NLGN1: variants seen among roughly 807,000 people sequenced by gnomAD.
NLGN1 encodes neuroligin 1, also known as neuroligin-1.
A neutral mutation model predicts 65.5 loss-of-function variants in NLGN1; 12 were observed. The observed-to-expected ratio is 0.18, with a 90% CI of 0.12 to 0.30. The LOEUF (loss-of-function observed/expected upper bound fraction) is 0.30. Among genes scored for constraint, NLGN1 ranks in the 10% least tolerant of loss-of-function variants. The probability of loss-of-function intolerance (pLI) is 1.00; values close to 1 mark genes in which losing one functional copy is unlikely to be tolerated. For synonymous variants in NLGN1, 350 were observed against 359.5 expected, an observed-to-expected ratio of 0.97 and a Z score of 0.30; for missense variants, 750 against 1,007.1, an observed-to-expected ratio of 0.74 and a Z score of 3.46.
In NLGN1 at chr3:173,801,148, C is replaced by T. The variant is rs552562876; in HGVS notation, c.494-6532C>T. 2.0e-5 allele frequency among the ~76,000 whole-genome samples: 3 copies of T among 152,030 alleles called. No homozygotes were observed. In the East Asian group the frequency reaches 5.8e-4, roughly 29 times the overall value. ...ATAAGCAATAGAATATTTTCTACTT[C>T]ATTAATATCCAAATTGTTTCTCCTT... On this transcript the variant is annotated intron_variant, in intron 3 of 6. Coordinates refer to ENST00000457714, the Ensembl canonical transcript of NLGN1.
At chr3:173,678,070 A>G (rs774927438) in intron 3 of NLGN1, among the ~76,000 whole-genome samples, 1 of 152,080 alleles carries the variant, frequency 6.6e-6, no homozygotes, top group Non-Finnish European at 1.5e-5. Context: ...CTTGCTGTAT[A>G]TGGAAGCATT....
At chr3:173,752,504 A>C (rs7628917) in intron 3 of NLGN1, among the ~76,000 whole-genome samples, 8,310 of 152,146 alleles carry the variant, frequency 0.055, 725 homozygotes, top group African/African-American at 0.19. Context: ...CCAGCACTGT[A>C]GTTGTTGAAT....
intron 2 of NLGN1, among the ~76,000 whole-genome samples, chr3:173,564,108 G>C (rs1743240008): frequency 6.6e-6 from 1 of 152,126 alleles, no homozygotes; most frequent in South Asian, 2.1e-4. Context: ...TTGTTGCTCT[G>C]TGAACATACC....
At chr3:173,960,684 A>G (rs1335397197) in intron 4 of NLGN1, among the ~76,000 whole-genome samples, 2 of 151,906 alleles carry the variant, frequency 1.3e-5, no homozygotes, top group Non-Finnish European at 2.9e-5. Context: ...TATGTTTCCT[A>G]TATCTATTAA....
intron 1 of NLGN1, among the ~76,000 whole-genome samples, chr3:173,419,374 G>A (rs1210843661): frequency 2.6e-5 from 4 of 151,612 alleles, no homozygotes; most frequent in Non-Finnish European, 5.9e-5. Context: ...GGGTTATCTC[G>A]GGGCTGGCAT....
intron 5 of NLGN1, among the ~76,000 whole-genome samples, chr3:174,277,145 C>CTT (rs1261964483): frequency 6.6e-6 from 1 of 151,874 alleles, no homozygotes; most frequent in Admixed American, 6.6e-5. Context: ...AAGACATCAA[C>CTT]TTAGGTTTGG....
intron 2 of NLGN1, among the ~76,000 whole-genome samples, chr3:173,582,742 T>C (rs928358014): frequency 6.6e-6 from 1 of 152,148 alleles, no homozygotes; most frequent in African/African-American, 2.4e-5. Flanking sequence ...CATTTTGATT[T>C]ATATAATTGC....
At chr3:174,258,301 G>A (rs961571277) in intron 4 of NLGN1, among the ~76,000 whole-genome samples, 2 of 152,040 alleles carry the variant, frequency 1.3e-5, no homozygotes, top group East Asian at 3.9e-4. Context: ...GTCCATAATG[G>A]TATAAACAAA....
At chr3:174,057,422 C>G (rs1560939267) in intron 4 of NLGN1, among the ~76,000 whole-genome samples, 1 of 151,996 alleles carries the variant, frequency 6.6e-6, no homozygotes, top group Non-Finnish European at 1.5e-5. Flanking sequence ...GACCTTAGGT[C>G]TGGGGGTGAC....
chr3:174,064,158 C>T lies in NLGN1; in HGVS notation c.647-211157C>T, dbSNP rs571039074. ...ACTCTGTCTCAAACAACAACAACAA[C>T]AAAAAACAATAGCAACAATAAAAAA... On this transcript the variant is annotated intron_variant, in intron 4 of 6. Coordinates refer to ENST00000457714, the Ensembl canonical transcript of NLGN1. 7.0e-4 allele frequency among the ~76,000 whole-genome samples: 106 copies of T among 151,284 alleles called. No individual in the cohort carries two copies. In the South Asian group the frequency reaches 0.022, roughly 31 times the overall value.
chr3:173,986,772 G>A (rs1008631884), intron 4 of NLGN1, among the ~76,000 whole-genome samples: 1 of 152,192 alleles, frequency 6.6e-6, no homozygotes, highest in Admixed American at 6.5e-5. Flanking sequence ...TCAATTGCCA[G>A]CTAAATTCCT....
intron 4 of NLGN1, among the ~76,000 whole-genome samples, chr3:174,247,023 T>C (rs1743919071): frequency 1.3e-5 from 2 of 152,234 alleles, no homozygotes; most frequent in Admixed American, 6.5e-5. Flanking sequence ...ACCAATAGCA[T>C]AGAGCCTATA....
At chr3:174,096,103 A>T (rs946036727) in intron 4 of NLGN1, among the ~76,000 whole-genome samples, 2 of 151,766 alleles carry the variant, frequency 1.3e-5, no homozygotes, top group Admixed American at 1.3e-4. Flanking sequence ...TTAACTGCAG[A>T]ATAGCTTTTG....
intron 4 of NLGN1, among the ~76,000 whole-genome samples, chr3:173,980,822 A>G (rs1718619768): frequency 6.6e-6 from 1 of 152,102 alleles, no homozygotes; most frequent in African/African-American, 2.4e-5. Flanking sequence ...CCAAAATTTG[A>G]GTACTATGAT....
At chr3:173,672,445 T>C (rs369613748) in intron 3 of NLGN1, among the ~76,000 whole-genome samples, 494 of 152,334 alleles carry the variant, frequency 3.2e-3, no homozygotes, top group African/African-American at 0.011. Context: ...TTCTGACACC[T>C]GATGATATAG....
chr3:174,058,243 T>G (rs891335665), intron 4 of NLGN1, among the ~76,000 whole-genome samples: 1 of 152,170 alleles, frequency 6.6e-6, no homozygotes, highest in Non-Finnish European at 1.5e-5. Context: ...CAGTTGACTT[T>G]CAGAATTATG....
At chr3:173,620,729 A>G (rs1753860800) in intron 3 of NLGN1, among the ~76,000 whole-genome samples, 1 of 152,122 alleles carries the variant, frequency 6.6e-6, no homozygotes, top group East Asian at 1.9e-4. Flanking sequence ...GTATGTCAGA[A>G]TGAGACAGAG....
At chr3:174,025,243 T>C (rs919007430) in intron 4 of NLGN1, among the ~76,000 whole-genome samples, 1 of 152,184 alleles carries the variant, frequency 6.6e-6, no homozygotes, top group Non-Finnish European at 1.5e-5. Context: ...AGGCTGAAAA[T>C]GGTTAAGTAT....
At chr3:174,203,559 C>T (rs765050880) in intron 4 of NLGN1, among the ~76,000 whole-genome samples, 2 of 152,134 alleles carry the variant, frequency 1.3e-5, no homozygotes, top group Non-Finnish European at 1.5e-5. Context: ...GCTGCTACAG[C>T]TGCAGAAGGC....
Sources: gnomAD v4.1 joint callset for allele counts (sites outside exome capture counted in the v4.1 genomes callset) on GRCh38, gnomAD v4.1.1 for gene constraint, MANE v1.5 for transcripts, NCBI Gene and HGNC (gene_info 2026-07-23, HGNC 2026-07-21) for gene names.